MGMT: variants seen among roughly 807,000 people sequenced by gnomAD.
MGMT encodes the protein O-6-methylguanine-DNA methyltransferase, also known as methylated-DNA--protein-cysteine methyltransferase.
Under a neutral mutation model 15.9 loss-of-function variants are expected in MGMT, and 14 were observed. That is an observed-to-expected ratio of 0.88 (90% CI 0.58 to 1.37). MGMT has a LOEUF of 1.37. Among genes scored for constraint, MGMT ranks in the 40% most tolerant of loss-of-function variants. The pLI is 0.00. For synonymous variants in MGMT, 130 were observed against 118.2 expected (o/e 1.10, Z -0.65); for missense variants, 282 against 268.1 (o/e 1.05, Z -0.36).
chr10:129,678,421 G>C (rs1332792638), intron 2 of MGMT, among the ~76,000 whole-genome samples: 1 of 152,160 alleles, frequency 6.6e-6, no homozygotes, highest in Non-Finnish European at 1.5e-5. Flanking sequence ...TTGGAGGGCT[G>C]CCAGGGCTGG....
intron 1 of MGMT, among the ~76,000 whole-genome samples, chr10:129,513,935 G>A (rs1018054270): frequency 1.3e-5 from 2 of 152,208 alleles, no homozygotes; most frequent in African/African-American, 2.4e-5. Context: ...GATACTTAAT[G>A]TGAGTTTGCT....
intron 2 of MGMT, among the ~76,000 whole-genome samples, chr10:129,673,833 T>C (rs1275738016): frequency 6.6e-6 from 1 of 152,236 alleles, no homozygotes; most frequent in Non-Finnish European, 1.5e-5. Flanking sequence ...TTTGTTAATA[T>C]CTCAGTTGAT....
intron 2 of MGMT, among the ~76,000 whole-genome samples, chr10:129,691,634 G>A (rs1847971069): frequency 6.6e-6 from 1 of 152,206 alleles, no homozygotes. Context: ...AGGCCTGGCA[G>A]TGGCACAGGT....
intron 2 of MGMT, among the ~76,000 whole-genome samples, chr10:129,644,581 G>A (rs1053847449): frequency 6.6e-6 from 1 of 152,164 alleles, no homozygotes; most frequent in Non-Finnish European, 1.5e-5. Context: ...GTGAGAGCCC[G>A]TGGAAGGGCC....
rs143894500 is a variant in MGMT at position 129,626,288 on chromosome 10, C to T, written c.126-81607C>T. 2.4e-4 allele frequency among the ~76,000 whole-genome samples: 36 copies of T among 152,314 alleles called. No individual in the cohort carries two copies. The East Asian group carries it at 7.0e-3, about 29-fold the overall frequency. ...CCCACCCACCCGCATGCCTCTCCTT[C>T]TCCATCCCACCCGCATTTTGGGTCA... On this transcript the variant is annotated intron_variant, in intron 2 of 4. Transcript: ENST00000651593.
At chr10:129,640,304 G>A (rs572716032) in intron 2 of MGMT, among the ~76,000 whole-genome samples, 44 of 152,026 alleles carry the variant, frequency 2.9e-4, no homozygotes, top group African/African-American at 1.0e-3. Context: ...TACCATATTG[G>A]CCAGGCTGGT....
intron 2 of MGMT, among the ~76,000 whole-genome samples, chr10:129,704,758 T>C (rs1848139911): frequency 6.6e-6 from 1 of 151,916 alleles, no homozygotes; most frequent in Non-Finnish European, 1.5e-5. Context: ...GGGGCCCCTA[T>C]GTGCATCTCA....
At chr10:129,482,836 AAATCT>A (rs1845372513) in intron 1 of MGMT, among the ~76,000 whole-genome samples, 1 of 152,160 alleles carries the variant, frequency 6.6e-6, no homozygotes, top group African/African-American at 2.4e-5. Flanking sequence ...TTGCTTTAAA[AAATCT>A]AATCTGACAA....
intron 3 of MGMT, among the ~76,000 whole-genome samples, chr10:129,749,690 G>A (rs1424592644): frequency 6.6e-6 from 1 of 152,140 alleles, no homozygotes; most frequent in Non-Finnish European, 1.5e-5. Context: ...GAAAGAAATT[G>A]CAAAACAGTC....
intron 3 of MGMT, among the ~76,000 whole-genome samples, chr10:129,753,935 AG>A (rs1848777339): frequency 6.6e-6 from 1 of 152,090 alleles, no homozygotes; most frequent in African/African-American, 2.4e-5. Context: ...TTGTTTTAGG[AG>A]GTAGTCAACC....
chr10:129,672,981 C>T (rs6482745), intron 2 of MGMT, among the ~76,000 whole-genome samples: 113,948 of 152,080 alleles, frequency 0.75, 43,487 homozygotes, highest in African/African-American at 0.9. Flanking sequence ...CTCATTCTAA[C>T]CCTAGGGATT....
chr10:129,584,110 A>G (rs1185947256), intron 2 of MGMT, among the ~76,000 whole-genome samples: 4 of 152,228 alleles, frequency 2.6e-5, no homozygotes, highest in South Asian at 2.1e-4. Flanking sequence ...GTCAGAGAGT[A>G]GACAGAGGGT....
At chr10:129,524,147 G>A (rs1845843620) in intron 1 of MGMT, among the ~76,000 whole-genome samples, 2 of 152,186 alleles carry the variant, frequency 1.3e-5, no homozygotes, top group African/African-American at 2.4e-5. Flanking sequence ...TGCCCACTCT[G>A]CCTCCTGGCT....
At chr10:129,676,087 G>C (rs932235098) in intron 2 of MGMT, among the ~76,000 whole-genome samples, 1 of 152,150 alleles carries the variant, frequency 6.6e-6, no homozygotes, top group East Asian at 1.9e-4. Context: ...TACCTCTCCT[G>C]TAACTCCCAG....
intron 1 of MGMT, among the ~76,000 whole-genome samples, chr10:129,478,858 A>T (rs1005917078): frequency 6.7e-6 from 1 of 149,154 alleles, no homozygotes; most frequent in Non-Finnish European, 1.5e-5. Context: ...GTTCTTCGTT[A>T]TCTTTTATTT....
chr10:129,646,750 A>T (rs376578755), intron 2 of MGMT, among the ~76,000 whole-genome samples: 7,983 of 75,826 alleles, frequency 0.11, 960 homozygotes, highest in Admixed American at 0.15. Flanking sequence ...ATATATATAT[A>T]TATATTTTCA....
chr10:129,499,619 T>C (rs1034402221), intron 1 of MGMT, among the ~76,000 whole-genome samples: 4 of 152,264 alleles, frequency 2.6e-5, no homozygotes, highest in Admixed American at 2.0e-4. Context: ...TTCTTAATTC[T>C]CTTTGTTGTA....
chr10:129,762,548 G>A (rs545363269), intron 4 of MGMT, among the ~76,000 whole-genome samples: 3 of 152,250 alleles, frequency 2.0e-5, no homozygotes, highest in Non-Finnish European at 2.9e-5. Flanking sequence ...AGCGGGAGAG[G>A]ATGGTCAGTT....
intron 3 of MGMT, among the ~76,000 whole-genome samples, chr10:129,747,662 A>G (rs547338748): frequency 7.9e-5 from 12 of 152,158 alleles, no homozygotes; most frequent in Non-Finnish European, 1.3e-4. Flanking sequence ...TTCATGAACC[A>G]TTGTTGGTAC....
Sources: allele counts gnomAD v4.1 joint callset (sites outside exome capture counted in the v4.1 genomes callset), GRCh38; gene constraint gnomAD v4.1.1; transcripts MANE v1.5; gene names NCBI Gene and HGNC (gene_info 2026-07-23, HGNC 2026-07-21).